The following ERBB4 variants were observed in gnomAD, a reference collection of about 807,000 sequenced individuals.
ERBB4 encodes the protein erb-b2 receptor tyrosine kinase 4, also known as receptor tyrosine-protein kinase erbB-4.
In ERBB4, 42 loss-of-function variants were observed where a neutral mutation model predicts 158.0. The observed-to-expected ratio is 0.27, with a 90% CI of 0.21 to 0.34. The LOEUF is 0.34. ERBB4 is among the 10% of genes least tolerant of loss of function. The pLI, the probability that ERBB4 is intolerant of heterozygous loss-of-function variation, is 1.00. For missense variants in ERBB4, 1,333 were observed against 1,624.1 expected, an observed-to-expected ratio of 0.82 and a Z score of 3.08; for synonymous variants, 583 against 558.7, an observed-to-expected ratio of 1.04 and a Z score of -0.61.
intron 3 of ERBB4, among the ~76,000 whole-genome samples, chr2:211,794,325 C>T (rs1041158658): frequency 3.3e-5 from 5 of 151,770 alleles, no homozygotes; most frequent in African/African-American, 1.2e-4. Flanking sequence ...CACTGATTAC[C>T]CGAGCCACTT....
At chr2:212,326,314 C>G (rs1009740422) in intron 1 of ERBB4, among the ~76,000 whole-genome samples, 4 of 150,628 alleles carry the variant, frequency 2.7e-5, no homozygotes, top group Non-Finnish European at 6.0e-5. Flanking sequence ...ACAAATAATT[C>G]TGAAATACAA....
chr2:211,672,980 A>G (rs1290586356), intron 14 of ERBB4, among the ~76,000 whole-genome samples, 184 bp downstream of exon 14: 1 of 152,226 alleles, frequency 6.6e-6, no homozygotes, highest in Admixed American at 6.5e-5. Context: ...AATATGTATG[A>G]CATCGACTTT....
At chr2:212,148,908 C>T (rs376747809) in intron 1 of ERBB4, among the ~76,000 whole-genome samples, 1,691 of 142,092 alleles carry the variant, frequency 0.012, 16 homozygotes, top group African/African-American at 0.041. Context: ...AGTAAACTAT[C>T]GCAAGAACAA....
chr2:212,010,807 T>G (rs2076368089), intron 2 of ERBB4, among the ~76,000 whole-genome samples: 1 of 152,014 alleles, frequency 6.6e-6, no homozygotes, highest in Non-Finnish European at 1.5e-5. Flanking sequence ...AGACAGACAC[T>G]CCCAGAGGGG....
At position 211,624,052 on chromosome 2, in the gene ERBB4, G is replaced by C. The variant is rs1165590981; in HGVS notation, c.2080-8C>G. 6.2e-7 allele frequency: 1 copy of C among 1,614,028 alleles called. No individual in the cohort carries two copies. Among genetic ancestry groups the C allele is most frequent in the South Asian group, 1.1e-5 (1 of 91,086 alleles). ...AGTTAATGGTTCCACCAACTGCAAA[G>C]CGGAAAGAAGAAGGTTATACTTTCA... On this transcript the variant is annotated splice_region_variant and splice_polypyrimidine_tract_variant and intron_variant, in intron 17 of 27. Transcript: ENST00000342788.
Position 212,515,200 on chromosome 2 carries a change from A to C in ERBB4, c.82+23249T>G, listed in dbSNP as rs572636486. Among the ~76,000 whole-genome samples, 105 of 152,314 alleles carry C rather than the reference A, an allele frequency of 6.9e-4. 1 individual carries two copies. Among genetic ancestry groups the C allele is most frequent in the African/African-American group, 2.4e-3 (99 of 41,588 alleles). On this transcript the variant is annotated intron_variant, in intron 1 of 27. Transcript: ENST00000342788. The stretch of plus-strand genomic sequence containing the variant: ...CACAGAGATTACTTGTAATGGTGAA[A>C]GTATTAATTTATGAAAAACATTTTC...
rs77429365 is a variant in ERBB4, at chr2:211,621,907, T to A, written c.2202+2015A>T. Among the ~76,000 whole-genome samples, 129 of 152,206 alleles carry A rather than the reference T, an allele frequency of 8.5e-4. 1 individual carries two copies. In the East Asian group the frequency reaches 0.023, roughly 27 times the overall value. Reference sequence around the variant, plus strand: ...ATTTTTCTACTGACTTGTCCTATGGTTCAGCACAGAAGCCTTCAGTTACAT... The same window carrying A: ...ATTTTTCTACTGACTTGTCCTATGGATCAGCACAGAAGCCTTCAGTTACAT... On this transcript the variant is annotated intron_variant, in intron 18 of 27. Transcript: ENST00000342788.
intron 13 of ERBB4, 68 bp from the exon 14 acceptor site, chr2:211,673,325 T>C: frequency 8.8e-7 from 1 of 1,133,156 alleles, no homozygotes; most frequent in Non-Finnish European, 1.3e-6. Context: ...TGAAGTAACA[T>C]CTGCTAAAAG....
intron 3 of ERBB4, among the ~76,000 whole-genome samples, chr2:211,925,179 A>C (rs1196539589): frequency 6.6e-6 from 1 of 152,194 alleles, no homozygotes; most frequent in Non-Finnish European, 1.5e-5. Flanking sequence ...CCATCCACTT[A>C]GGAGAAAAAT....
At chr2:212,076,767 G>A (rs994519000) in intron 2 of ERBB4, among the ~76,000 whole-genome samples, 6 of 151,628 alleles carry the variant, frequency 4.0e-5, no homozygotes, top group East Asian at 1.9e-4. Context: ...AATGGCTTAC[G>A]GGAAAAGAGT....
intron 5 of ERBB4, among the ~76,000 whole-genome samples, chr2:211,748,302 A>G (rs2075032146): frequency 6.6e-6 from 1 of 152,184 alleles, no homozygotes; most frequent in Non-Finnish European, 1.5e-5. Context: ...TAATAGTGTT[A>G]TTGAATACAC....
chr2:211,686,135 A>G (rs939645852), intron 12 of ERBB4, among the ~76,000 whole-genome samples: 1 of 152,046 alleles, frequency 6.6e-6, no homozygotes, highest in Non-Finnish European at 1.5e-5. Flanking sequence ...AGAACTTTCA[A>G]TACTATGTTA....
At chr2:211,510,956 C>T (rs6728700) in intron 20 of ERBB4, among the ~76,000 whole-genome samples, 78,909 of 151,398 alleles carry the variant, frequency 0.52, 20,859 homozygotes, top group Middle Eastern at 0.57. Context: ...ATAAAATAGA[C>T]AAGATCCATG....
chr2:211,993,631 A>T (rs1026130639), intron 2 of ERBB4, among the ~76,000 whole-genome samples: 2 of 149,136 alleles, frequency 1.3e-5, no homozygotes, highest in Non-Finnish European at 3.0e-5. Context: ...AAAGAAAATT[A>T]AAAAAAAACA....
intron 1 of ERBB4, among the ~76,000 whole-genome samples, chr2:212,184,740 T>C (rs1349583544): frequency 1.3e-5 from 2 of 152,160 alleles, no homozygotes. Flanking sequence ...AAATGTAGCA[T>C]AGAGTAAAAA....
chr2:212,258,688 A>C (rs1383707031), intron 1 of ERBB4, among the ~76,000 whole-genome samples: 3 of 150,240 alleles, frequency 2.0e-5, no homozygotes, highest in East Asian at 1.9e-4. Flanking sequence ...AAGCTGCCTA[A>C]ATAACAAAAC....
At chr2:212,303,143 A>T (rs1049428080) in intron 1 of ERBB4, among the ~76,000 whole-genome samples, 1 of 151,426 alleles carries the variant, frequency 6.6e-6, no homozygotes, top group Non-Finnish European at 1.5e-5. Flanking sequence ...ACCCTGAATT[A>T]TCCCATCATC....
chr2:211,718,874 A>G (rs1222860850), intron 7 of ERBB4, among the ~76,000 whole-genome samples: 1 of 152,210 alleles, frequency 6.6e-6, no homozygotes, highest in African/African-American at 2.4e-5. Context: ...GTGTCCATCT[A>G]TGATGCTGTG....
At chr2:212,124,600 G>C (rs2079861322) in intron 2 of ERBB4, 152 bp downstream of exon 2, 2 of 766,532 alleles carry the variant, frequency 2.6e-6, no homozygotes. Context: ...CTTTTCCTGG[G>C]TGCGTTTCGC....
Sources: allele counts gnomAD v4.1 joint callset (sites outside exome capture counted in the v4.1 genomes callset), GRCh38; gene constraint gnomAD v4.1.1; transcripts MANE v1.5; gene names NCBI Gene and HGNC (gene_info 2026-07-23, HGNC 2026-07-21).